ARID4A: variants seen among roughly 807,000 people sequenced by gnomAD.
ARID4A encodes the protein AT-rich interactive domain-containing protein 4A.
In ARID4A, 39 loss-of-function variants were observed where a neutral mutation model predicts 148.6. The ratio of observed to expected loss-of-function variants is 0.26; its 90% CI spans 0.20 to 0.34. The LOEUF is 0.34. ARID4A is among the 10% of genes least tolerant of loss of function. The pLI, the probability that ARID4A is intolerant of heterozygous loss-of-function variation, is 1.00. For synonymous variants in ARID4A, 475 were observed against 481.2 expected, an observed-to-expected ratio of 0.99 and a Z score of 0.17; for missense variants, 1,265 against 1,449.1, an observed-to-expected ratio of 0.87 and a Z score of 2.06.
intron 19 of ARID4A, among the ~76,000 whole-genome samples, chr14:58,362,720 G>C (rs2035188038): frequency 6.6e-6 from 1 of 151,980 alleles, no homozygotes; most frequent in Non-Finnish European, 1.5e-5. Flanking sequence ...ACCATACCTG[G>C]CTAATTTTTG....
intron 11 of ARID4A, among the ~76,000 whole-genome samples, chr14:58,340,643 C>T (rs2034072248): frequency 6.6e-6 from 1 of 152,148 alleles, no homozygotes; most frequent in Admixed American, 6.5e-5. Flanking sequence ...AGCCACTGTG[C>T]CCGGCCTAAT....
At position 58,320,599 on chromosome 14, in the gene ARID4A, C is replaced by CTT. The variant is rs778275420; in HGVS notation, c.449+1814_449+1815dup. On this transcript the variant is annotated intron_variant, in intron 7 of 23. Transcript: ENST00000355431. ...AGCCTTTTTTCTTCCATGACATTGA[C>CTT]TTTTTTTTTTTTTTTTTTTTTCCCC... 3.2e-3 allele frequency among the ~76,000 whole-genome samples: 414 copies of CTT among 127,572 alleles called. 5 individuals carry two copies. Among genetic ancestry groups the CTT allele is most frequent in the African/African-American group, 0.01 (360 of 34,400 alleles). The allele number at this position is 127,572 out of a possible 152,430, so 83.7% of individuals were successfully genotyped here.
chr14:58,299,636 G>C (rs1175617735), intron 1 of ARID4A, 162 bp from the exon 2 acceptor site: 1 of 614,348 alleles, frequency 1.6e-6, no homozygotes, highest in East Asian at 2.8e-5. Flanking sequence ...GGTTCTCGCT[G>C]CCCCCTCAGC....
chr14:58,361,214 C>A, intron 19 of ARID4A, 172 bp downstream of exon 19: 1 of 682,038 alleles, frequency 1.5e-6, no homozygotes, highest in Non-Finnish European at 1.8e-6. Flanking sequence ...GCCCAAAATG[C>A]TTGGGACTAG....
chr14:58,346,851 C>CCAGGAGGTCGAGGCTG (rs2034389376), intron 13 of ARID4A, among the ~76,000 whole-genome samples, 169 bp from the exon 14 acceptor site: 1 of 135,072 alleles, frequency 7.4e-6, no homozygotes, highest in Non-Finnish European at 1.5e-5. Flanking sequence ...TCACTTGAGC[C>CCAGGAGGTCGAGGCTG]CAGGAGGTCG....
intron 11 of ARID4A, among the ~76,000 whole-genome samples, chr14:58,337,268 A>ATATATATATATATATATAT (rs1422819457): frequency 8.9e-4 from 119 of 133,660 alleles, no homozygotes; most frequent in Non-Finnish European, 1.1e-3. Context: ...ATATATATAT[A>ATATATATATATATATATAT]ATTAAAACCG....
intron 17 of ARID4A, among the ~76,000 whole-genome samples, chr14:58,354,154 G>GAATC (rs1429544874): frequency 6.6e-6 from 1 of 152,148 alleles, no homozygotes; most frequent in African/African-American, 2.4e-5. Flanking sequence ...GGTGTTAAAT[G>GAATC]AATCAACAGA....
At chr14:58,299,146 C>CCCTCCCCTCCCACACCCTGTCCGGGCCA (rs2030863241) in intron 1 of ARID4A, among the ~76,000 whole-genome samples, 2 of 152,208 alleles carry the variant, frequency 1.3e-5, no homozygotes, top group South Asian at 2.1e-4. Context: ...GGTGCGGCTC[C>CCCTCCCCTCCCACACCCTGTCCGGGCCA]CCTCCCCTCC....
chr14:58,329,712 A>G, intron 10 of ARID4A, 108 bp downstream of exon 10: 1 of 1,048,764 alleles, frequency 9.5e-7, no homozygotes, highest in South Asian at 1.5e-5. Context: ...AACTGTTTAG[A>G]GTTGATATCC....
intron 17 of ARID4A, among the ~76,000 whole-genome samples, chr14:58,355,173 T>C (rs1047366552): frequency 3.9e-5 from 6 of 152,206 alleles, no homozygotes; most frequent in African/African-American, 1.4e-4. Flanking sequence ...TTGCCCTGTA[T>C]TTATTTGGAG....
At chr14:58,348,100 G>A (rs1192434837) in intron 15 of ARID4A, among the ~76,000 whole-genome samples, 3 of 151,984 alleles carry the variant, frequency 2.0e-5, no homozygotes, top group African/African-American at 4.8e-5. Flanking sequence ...AGTCATTCTT[G>A]TCTGGGATGA....
At chr14:58,303,172 A>T (rs1184319933) in intron 3 of ARID4A, among the ~76,000 whole-genome samples, 4 of 152,194 alleles carry the variant, frequency 2.6e-5, no homozygotes, top group Non-Finnish European at 5.9e-5. Flanking sequence ...ATTTAAGTTG[A>T]TGAATAATAA....
intron 8 of ARID4A, among the ~76,000 whole-genome samples, chr14:58,324,270 G>A (rs1228017280): frequency 2.0e-5 from 3 of 151,916 alleles, no homozygotes; most frequent in Admixed American, 1.3e-4. Flanking sequence ...AACTTTTATA[G>A]AGAAATCGTT....
chr14:58,346,119 T>A (rs1277299557), intron 12 of ARID4A, among the ~76,000 whole-genome samples: 1 of 151,632 alleles, frequency 6.6e-6, no homozygotes, highest in Non-Finnish European at 1.5e-5. Context: ...CATTGGCAGT[T>A]AAAGAGGTAG....
At chr14:58,331,979 A>C (rs1337387703) in intron 11 of ARID4A, among the ~76,000 whole-genome samples, 1 of 147,216 alleles carries the variant, frequency 6.8e-6, no homozygotes, top group African/African-American at 2.5e-5. Context: ...TGTCCGTTCC[A>C]GAATGCATTT....
rs1478248653 is a variant in ARID4A, at chr14:58,372,020, G to C, written c.*31G>C. On this transcript the variant is annotated 3_prime_UTR_variant, in exon 24 of 24. Coordinates refer to ENST00000355431, the MANE Select transcript of ARID4A (RefSeq NM_002892.4). ...ATTTTCTCTACCTTCCCAGCAGTTTGCTGCCATGGACATAAATCCCCAAAC... is the reference window on the plus strand; with the variant it reads ...ATTTTCTCTACCTTCCCAGCAGTTTCCTGCCATGGACATAAATCCCCAAAC... 1 of 1,485,308 alleles carries C rather than the reference G, an allele frequency of 6.7e-7. No homozygotes were observed. Among genetic ancestry groups the C allele is most frequent in the East Asian group, 2.3e-5 (1 of 44,082 alleles). The allele number at this position is 1,485,308 out of a possible 1,614,324, so 92.0% of individuals were successfully genotyped here. A position where few individuals can be genotyped will look rare whatever the true frequency, so the allele number is the denominator to read the frequency against.
intron 5 of ARID4A, among the ~76,000 whole-genome samples, chr14:58,310,052 A>G (rs2031902472): frequency 6.6e-6 from 1 of 152,210 alleles, no homozygotes. Context: ...AAGATAATTC[A>G]TTAAGAAATA....
chr14:58,364,672 A>G lies in ARID4A; in HGVS notation c.2583A>G (p.Gly861=). Residue 861 remains glycine, a synonymous_variant, in exon 20 of 24, where the codon GGA becomes GGG. Transcript: ENST00000355431. ...AGAAGTTGAAACGGAAAATACTAGGACAATCATCGCCAGAGAAAAAAATAA... is the reference window on the plus strand; with the variant it reads ...AGAAGTTGAAACGGAAAATACTAGGGCAATCATCGCCAGAGAAAAAAATAA... ...KEKKLKRKIL[G]QSSPEKKIRI... is the part of the protein sequence containing the mutation. The G allele has an allele frequency of 6.2e-7, 1 of 1,613,990 alleles. No individual in the cohort carries two copies. Among genetic ancestry groups the G allele is most frequent in the Non-Finnish European group, 8.5e-7 (1 of 1,179,966 alleles).
At chr14:58,313,269 G>T (rs549621189) in intron 5 of ARID4A, among the ~76,000 whole-genome samples, 1 of 152,188 alleles carries the variant, frequency 6.6e-6, no homozygotes. Context: ...GACCGGTTTC[G>T]TGAGAGACAA....
Sources: allele counts gnomAD v4.1 joint callset (sites outside exome capture counted in the v4.1 genomes callset), GRCh38; gene constraint gnomAD v4.1.1; transcripts MANE v1.5; gene names NCBI Gene and HGNC (gene_info 2026-07-23, HGNC 2026-07-21).